Variants in MOBP observed in about 807,000 individuals in gnomAD.
MOBP encodes myelin associated oligodendrocyte basic protein.
Under a neutral mutation model 15.0 loss-of-function variants are expected in MOBP, and 5 were observed. The ratio of observed to expected loss-of-function variants is 0.33; its 90% confidence interval spans 0.17 to 0.70. The LOEUF (loss-of-function observed/expected upper bound fraction) is 0.70, where lower values mean the gene tolerates loss of function less well. Ranked by LOEUF, MOBP falls within the 30% of genes least tolerant of loss-of-function variation. The pLI is 0.67. For missense variants in MOBP, 188 were observed against 257.8 expected, an observed-to-expected ratio of 0.73 and a Z score of 1.85; for synonymous variants, 88 against 99.0, an observed-to-expected ratio of 0.89 and a Z score of 0.66.
At chr3:39,524,348 C>A (rs1220785946) in intron 4 of MOBP, 1 of 152,116 alleles carries the variant, frequency 6.6e-6, no homozygotes, top group Admixed American at 6.5e-5. Flanking sequence ...GTGTTTTCTC[C>A]TTGTTGCTTT....
chr3:39,503,403 C>A (rs1478825013), downstream of MOBP, among the ~76,000 whole-genome samples: 1 of 152,120 alleles, frequency 6.6e-6, no homozygotes, highest in Non-Finnish European at 1.5e-5. Flanking sequence ...GGGAATATGG[C>A]AGTGAGGAAG....
At position 39,502,004 on chromosome 3, in the gene MOBP, G is replaced by A; in HGVS notation, c.-4-62G>A. On this transcript the variant is annotated intron_variant, in intron 2 of 3. Transcript: ENST00000684792. This position sits in a 1 kb window ranked among gnomAD's most constrained non-coding sequence, Gnocchi z 6.3. ...AGTAGCAGGGGGCTTCCAGAGTAGA[G>A]GGCTCCCTTTCCTGATGTGCGTTTA... 1.4e-6 allele frequency: 2 copies of A among 1,409,120 alleles called. No individual in the cohort carries two copies. Among genetic ancestry groups the A allele is most frequent in the Non-Finnish European group, 2.0e-6 (2 of 998,830 alleles). The allele number at this position is 1,409,120 out of a possible 1,614,324, so 87.3% of individuals were successfully genotyped here. A position where few individuals can be genotyped will look rare whatever the true frequency, so the allele number is the denominator to read the frequency against.
chr3:39,472,877 A>G (rs1248313257), intron 1 of MOBP, among the ~76,000 whole-genome samples: 1 of 152,148 alleles, frequency 6.6e-6, no homozygotes. Context: ...ATGAAGACAT[A>G]TTCGTGCCAT....
chr3:39,497,539 A>T (rs1001544927), intron 2 of MOBP, among the ~76,000 whole-genome samples: 2 of 152,226 alleles, frequency 1.3e-5, no homozygotes, highest in African/African-American at 4.8e-5. Flanking sequence ...AGTGCTTGGG[A>T]TGCTGGAGTC....
intron 4 of MOBP, chr3:39,513,338 C>T (rs1173268168): frequency 6.5e-7 from 1 of 1,549,902 alleles, no homozygotes. Context: ...GAGTATACAT[C>T]ACCTACCTAT....
chr3:39,493,808 C>G (rs1241925742), intron 2 of MOBP, among the ~76,000 whole-genome samples: 2 of 152,146 alleles, frequency 1.3e-5, no homozygotes, highest in African/African-American at 4.8e-5. Flanking sequence ...TGAGCTGAAC[C>G]TCAAGGCAAT....
At chr3:39,471,079 A>G (rs2042462675) in intron 1 of MOBP, among the ~76,000 whole-genome samples, 1 of 152,098 alleles carries the variant, frequency 6.6e-6, no homozygotes, top group Non-Finnish European at 1.5e-5. Context: ...TAAATGTTAA[A>G]TGTAACAATC....
At chr3:39,482,363 A>G (rs1008670304) in intron 2 of MOBP, among the ~76,000 whole-genome samples, 10 of 152,044 alleles carry the variant, frequency 6.6e-5, no homozygotes, top group Non-Finnish European at 1.5e-4. Flanking sequence ...ACAAAAACGC[A>G]CCTCTGGGTC....
rs754660979 is a variant in MOBP at position 39,502,216 on chromosome 3, C to T, written c.147C>T (p.Ser49=). 6.8e-6 allele frequency: 11 copies of T among 1,614,086 alleles called. No individual in the cohort carries two copies. Among genetic ancestry groups the T allele is most frequent in the Non-Finnish European group, 9.3e-6 (11 of 1,180,048 alleles). ...ATCGGAAATACAGCATCTGTAAGAG[C>T]GGCTGCTTCTACCAGAAGAAAGAGG... is the stretch of plus-strand genomic sequence containing the variant. The part of the protein sequence containing the change: ...IVDRKYSICK[S]GCFYQKKEED... Residue 49 remains serine (S), a synonymous_variant, in exon 3 of 4, where the codon AGC becomes AGT. Coordinates refer to ENST00000684792, the MANE Select transcript of MOBP (RefSeq NM_001393704.1). This position sits in a 1 kb window ranked among gnomAD's most constrained non-coding sequence, Gnocchi z 6.3.
downstream of MOBP, among the ~76,000 whole-genome samples, chr3:39,519,441 A>AT (rs1202092772): frequency 1.3e-5 from 2 of 148,882 alleles, no homozygotes; most frequent in African/African-American, 4.9e-5. Context: ...CAAGTTTAAA[A>AT]TTTTTTTCTT....
chr3:39,510,801 C>T (rs966997024), intron 4 of MOBP, among the ~76,000 whole-genome samples: 9 of 151,986 alleles, frequency 5.9e-5, no homozygotes, highest in East Asian at 1.9e-4. Flanking sequence ...GTATATGTTT[C>T]GAACTGCTAT....
intron 4 of MOBP, among the ~76,000 whole-genome samples, chr3:39,509,572 G>A (rs992901248): frequency 2.0e-5 from 3 of 151,846 alleles, no homozygotes; most frequent in Non-Finnish European, 1.5e-5. Context: ...TTTTATTATT[G>A]TATTTTGAGG....
At chr3:39,484,268 A>C (rs2042668928) in intron 2 of MOBP, among the ~76,000 whole-genome samples, 1 of 152,300 alleles carries the variant, frequency 6.6e-6, no homozygotes, top group South Asian at 2.1e-4. Flanking sequence ...TGACAGGATA[A>C]TGCTTCTGGC....
intron 2 of MOBP, among the ~76,000 whole-genome samples, chr3:39,492,922 A>C (rs893271435): frequency 6.6e-6 from 1 of 152,206 alleles, no homozygotes; most frequent in African/African-American, 2.4e-5. Flanking sequence ...TGCTTTCAAA[A>C]TATTGACCTG....
chr3:39,502,198 A>G lies in MOBP; in HGVS notation c.129A>G (p.Lys43=). Residue 43 remains lysine, a synonymous_variant, in exon 3 of 4, where the codon AAA becomes AAG. Coordinates refer to ENST00000684792, the MANE Select transcript of MOBP (RefSeq NM_001393704.1). The surrounding 1 kb of genome is among the most constrained non-coding windows in gnomAD (Gnocchi z 6.3). ...LNSKKEIVDR[K]YSICKSGCFY... ...CCAAGAAGGAGATAGTGGATCGGAA[A>G]TACAGCATCTGTAAGAGCGGCTGCT... is the stretch of plus-strand genomic sequence containing the variant. The G allele has an allele frequency of 6.2e-7, 1 of 1,614,206 alleles. No individual in the cohort carries two copies. The highest frequency in any genetic ancestry group is 1.1e-5 in the South Asian group (1 of 91,084).
chr3:39,475,922 CTTG>C (rs2042539189), intron 1 of MOBP, among the ~76,000 whole-genome samples: 1 of 152,162 alleles, frequency 6.6e-6, no homozygotes, highest in African/African-American at 2.4e-5. Context: ...TTGGTTATTA[CTTG>C]TTGTATCAGT....
chr3:39,468,829 A>G lies in MOBP; in HGVS notation c.-89+1089A>G, dbSNP rs190532801. On this transcript the variant is annotated intron_variant, in intron 1 of 3. Transcript: ENST00000684792. ...ATATGTGTGTGTATACATATTACAT[A>G]TGTGTGTATATATACATATATACAT... is the stretch of plus-strand genomic sequence containing the variant. Among the ~76,000 whole-genome samples, 19 of 116,222 alleles carry G rather than the reference A, an allele frequency of 1.6e-4. 3 individuals are homozygous for G. The highest frequency in any genetic ancestry group is 5.1e-4 in the African/African-American group (10 of 19,590). The allele number at this position is 116,222 out of a possible 152,430, so 76.2% of individuals were successfully genotyped here.
chr3:39,494,787 C>G (rs1376429264), intron 2 of MOBP, among the ~76,000 whole-genome samples: 1 of 82,674 alleles, frequency 1.2e-5, no homozygotes, highest in Non-Finnish European at 2.3e-5. Context: ...TCAAAGCCCC[C>G]CCCCGCCCCC....
intron 2 of MOBP, chr3:39,500,069 TG>T (rs757787009): frequency 1.8e-5 from 8 of 456,240 alleles, no homozygotes; most frequent in Middle Eastern, 3.3e-4. Flanking sequence ...ACCTACAAGG[TG>T]AGCTCATTGT....
Sources: gnomAD v4.1 joint callset for allele counts (sites outside exome capture counted in the v4.1 genomes callset) on GRCh38, gnomAD v4.1.1 for gene constraint, Gnocchi (gnomAD v3.1) non-coding constraint, MANE v1.5 for transcripts, NCBI Gene and HGNC (gene_info 2026-07-23, HGNC 2026-07-21) for gene names.